Variants in CAGE1 observed in about 807,000 individuals in gnomAD.
CAGE1 encodes the protein cancer antigen 1.
A neutral mutation model predicts 94.9 loss-of-function variants in CAGE1; 66 were observed. The observed-to-expected ratio is 0.70, with a 90% CI of 0.57 to 0.85. The LOEUF (loss-of-function observed/expected upper bound fraction) is 0.85. Among genes scored for constraint, CAGE1 ranks in the 40% least tolerant of loss-of-function variants. CAGE1 has a pLI of 0.00. For missense variants in CAGE1, 865 were observed against 950.4 expected (o/e 0.91, Z 1.18); for synonymous variants, 319 against 321.0 (o/e 0.99, Z 0.07).
intron 3 of CAGE1, among the ~76,000 whole-genome samples, chr6:7,385,059 G>A (rs1378690743): frequency 3.9e-5 from 6 of 151,930 alleles, no homozygotes; most frequent in African/African-American, 7.3e-5. Context: ...AGGCTGGAGC[G>A]CAATGGTGCA....
Position 7,373,330 on chromosome 6 carries a change from C to T in CAGE1, c.1489G>A (p.Glu497Lys). 6.2e-7 allele frequency: 1 copy of T among 1,610,768 alleles called. No homozygotes were observed. Among genetic ancestry groups the T allele is most frequent in the Non-Finnish European group, 8.5e-7 (1 of 1,178,844 alleles). ...LQEEFQKLEK[E>K]NLEERQKLKS... is the part of the protein sequence containing the mutation. ...AGTTTCTGTCTTTCTTCCAGGTTTT[C>T]CTTTTCAAGTTTCTGGAATTCCTCC... Residue 497 changes from glutamate to lysine, a missense_variant, in exon 5 of 14, where the codon GAA (glutamate) becomes AAA (lysine). Physicochemically the swap from Glu to Lys is moderately conservative, Grantham distance 56. Coordinates refer to ENST00000502583, the MANE Select transcript of CAGE1 (RefSeq NM_001170692.2).
At chr6:7,365,364 C>T (rs1760292377) in intron 9 of CAGE1, 104 bp downstream of exon 9, 3 of 888,574 alleles carry the variant, frequency 3.4e-6, no homozygotes, top group African/African-American at 3.4e-5. Flanking sequence ...GTGTGTGACC[C>T]TTTTTATAAG....
At chr6:7,341,891 A>C in intron 11 of CAGE1, 4 of 691,124 alleles carry the variant, frequency 5.8e-6, no homozygotes, top group Non-Finnish European at 1.1e-5. Context: ...TGCCCTCTCC[A>C]ATCAGGGTAC....
chr6:7,359,096 G>T (rs1219137928), intron 9 of CAGE1, among the ~76,000 whole-genome samples: 1 of 151,970 alleles, frequency 6.6e-6, no homozygotes, highest in Admixed American at 6.6e-5. Context: ...GCCCAGGCTG[G>T]AGTGCAATGG....
Position 7,329,870 on chromosome 6 carries a change from A to AT in CAGE1, c.2456dup (p.Asn819LysfsTer14). 6.8e-7 allele frequency: 1 copy of AT among 1,461,834 alleles called. No homozygotes were observed. Among genetic ancestry groups the AT allele is most frequent in the South Asian group, 1.2e-5 (1 of 83,158 alleles). The allele number at this position is 1,461,834 out of a possible 1,614,324, so 90.6% of individuals were successfully genotyped here. On this transcript the variant is annotated frameshift_variant, in exon 13 of 14. Coordinates refer to ENST00000502583, the MANE Select transcript of CAGE1 (RefSeq NM_001170692.2). LOFTEE classifies it high-confidence loss of function. ...CTACCATGGTCATGGACTTCGGATG[A>AT]TTTTCTAAGCTTTTTGATCTGTAAG...
In CAGE1 at chr6:7,365,879, CAGT is replaced by C; in HGVS notation, c.2007_2009del (p.Leu670del). ...AGGTTGTGATTCTATCTTTATGTTT[CAGT>C]AGCTAAGAAAAGGAAAACATTCTGT... is the stretch of plus-strand genomic sequence containing the variant. On this transcript the variant is annotated inframe_deletion and splice_region_variant, in exon 8 of 14. Coordinates refer to ENST00000502583, the MANE Select transcript of CAGE1 (RefSeq NM_001170692.2). 6.0e-6 allele frequency: 9 copies of C among 1,496,726 alleles called. No homozygotes were observed. Among genetic ancestry groups the C allele is most frequent in the Non-Finnish European group, 7.2e-6 (8 of 1,108,992 alleles). 92.7% of individuals were successfully genotyped at this position (1,496,726 alleles called of 1,614,324 possible). A position where few individuals can be genotyped will look rare whatever the true frequency, so the allele number is the denominator to read the frequency against.
intron 3 of CAGE1, among the ~76,000 whole-genome samples, chr6:7,381,943 C>G (rs993564213): frequency 6.6e-6 from 1 of 150,766 alleles, no homozygotes; most frequent in African/African-American, 2.4e-5. Flanking sequence ...GGGTTCACGC[C>G]ATTCTCCTTT....
At chr6:7,328,932 ATAT>A (rs1341517705) in intron 13 of CAGE1, among the ~76,000 whole-genome samples, 2,955 of 103,548 alleles carry the variant, frequency 0.029, 220 homozygotes, top group African/African-American at 0.096. Flanking sequence ...ATATATATAT[ATAT>A]TTTTTTTTTT....
intron 8 of CAGE1, 46 bp downstream of exon 8, chr6:7,365,758 G>A: frequency 7.4e-7 from 1 of 1,351,696 alleles, no homozygotes; most frequent in Non-Finnish European, 1.0e-6. Flanking sequence ...ACCTGAAATT[G>A]TATATTTTTA....
At chr6:7,370,844 T>C (rs1760517061) in intron 5 of CAGE1, among the ~76,000 whole-genome samples, 1 of 152,100 alleles carries the variant, frequency 6.6e-6, no homozygotes. Context: ...AATAATGTCT[T>C]AATATTACTA....
chr6:7,364,225 A>G (rs1363180787), intron 9 of CAGE1, among the ~76,000 whole-genome samples: 2 of 152,202 alleles, frequency 1.3e-5, no homozygotes, highest in Admixed American at 1.3e-4. Context: ...CATCTCCTTC[A>G]TAACCTGCAC....
At chr6:7,347,086 G>A (rs146668169) in intron 11 of CAGE1, among the ~76,000 whole-genome samples, 96 of 152,212 alleles carry the variant, frequency 6.3e-4, no homozygotes, top group South Asian at 4.1e-4. Context: ...CATGGTGGAC[G>A]GGAGGCAGGA....
chr6:7,336,247 C>A, intron 11 of CAGE1, among the ~76,000 whole-genome samples: 1 of 152,150 alleles, frequency 6.6e-6, no homozygotes, highest in African/African-American at 2.4e-5. Flanking sequence ...GGGAGATACC[C>A]AAGGAAAGAA....
At chr6:7,388,545 T>C (rs1254107216) in intron 1 of CAGE1, among the ~76,000 whole-genome samples, 1 of 152,212 alleles carries the variant, frequency 6.6e-6, no homozygotes, top group East Asian at 1.9e-4. Flanking sequence ...TATCCCCTAC[T>C]GCAAATGGAC....
intron 11 of CAGE1, among the ~76,000 whole-genome samples, chr6:7,345,256 A>C (rs1455242606): frequency 6.6e-6 from 1 of 152,232 alleles, no homozygotes; most frequent in Non-Finnish European, 1.5e-5. Flanking sequence ...ACAACTCCAG[A>C]CACGCTACCT....
chr6:7,340,451 A>G (rs1759119628), intron 11 of CAGE1, among the ~76,000 whole-genome samples: 1 of 152,192 alleles, frequency 6.6e-6, no homozygotes, highest in Non-Finnish European at 1.5e-5. Flanking sequence ...TTAAGAGAAC[A>G]TAGAATTTAT....
chr6:7,389,047 T>C (rs1761239654), intron 1 of CAGE1, among the ~76,000 whole-genome samples, 155 bp downstream of exon 1: 1 of 152,200 alleles, frequency 6.6e-6, no homozygotes, highest in South Asian at 2.1e-4. Flanking sequence ...CAGGTTTATG[T>C]TGGATTTTTA....
intron 11 of CAGE1, among the ~76,000 whole-genome samples, chr6:7,351,794 C>T (rs1164267614): frequency 1.3e-5 from 2 of 152,112 alleles, no homozygotes; most frequent in African/African-American, 4.8e-5. Context: ...ATGATCTTCT[C>T]AATAGATTCA....
At chr6:7,354,257 G>A (rs1294404021) in intron 11 of CAGE1, among the ~76,000 whole-genome samples, 13 of 151,880 alleles carry the variant, frequency 8.6e-5, no homozygotes, top group Non-Finnish European at 1.9e-4. Context: ...AGCTGAAGAG[G>A]AATCAAATTT....
Sources: gnomAD v4.1 joint callset for allele counts (sites outside exome capture counted in the v4.1 genomes callset) on GRCh38, gnomAD v4.1.1 for gene constraint, MANE v1.5 for transcripts, NCBI Gene and HGNC (gene_info 2026-07-23, HGNC 2026-07-21) for gene names.